Variants in TMEM232 observed in about 807,000 individuals in gnomAD.
TMEM232 encodes the protein transmembrane protein 232.
TMEM232 carries 80 observed loss-of-function variants against 78.8 expected under a neutral mutation model. The observed-to-expected ratio is 1.01, with a 90% confidence interval of 0.85 to 1.22. The LOEUF is 1.22. Among genes scored for constraint, TMEM232 ranks in the 50% most tolerant of loss-of-function variants. The pLI is 0.00. For missense variants in TMEM232, 881 were observed against 742.2 expected, an observed-to-expected ratio of 1.19 and a Z score of -2.17; for synonymous variants, 297 against 254.3, an observed-to-expected ratio of 1.17 and a Z score of -1.60.
intron 10 of TMEM232, among the ~76,000 whole-genome samples, chr5:110,588,705 T>C (rs1275259874): frequency 6.6e-6 from 1 of 152,142 alleles, no homozygotes; most frequent in Non-Finnish European, 1.5e-5. Flanking sequence ...GGACAGATCT[T>C]TCAGAGTCCA....
chr5:110,619,291 T>G lies in TMEM232; in HGVS notation c.769-729A>C, dbSNP rs150039620. 6.5e-3 allele frequency among the ~76,000 whole-genome samples: 989 copies of G among 152,296 alleles called. 20 individuals carry two copies. The highest frequency in any genetic ancestry group is 0.022 in the African/African-American group (916 of 41,584). On this transcript the variant is annotated intron_variant, in intron 7 of 13. Transcript: ENST00000455884. ...ATCTAAAGGGCTTCATAATTCTTATTTATTATATAAAACAACATCAGGACT... is the reference window on the plus strand; with the variant it reads ...ATCTAAAGGGCTTCATAATTCTTATGTATTATATAAAACAACATCAGGACT...
chr5:110,735,590 C>CT lies in TMEM232; in HGVS notation c.-125-576dup, dbSNP rs1467241177. On this transcript the variant is annotated intron_variant, in intron 1 of 4. Transcript: ENST00000512886. ...AAATGCTATTGTTTGATAATCCTCC[C>CT]TTTAAAAGATAGAGTCAAATCCTCT... 5.9e-5 allele frequency among the ~76,000 whole-genome samples: 9 copies of CT among 152,168 alleles called. No individual in the cohort carries two copies. In the South Asian group the frequency reaches 8.3e-4, roughly 14 times the overall value.
intron 1 of TMEM232, among the ~76,000 whole-genome samples, chr5:110,677,293 C>A (rs1276456217): frequency 6.6e-6 from 1 of 150,962 alleles, no homozygotes. Flanking sequence ...TGGATATTAA[C>A]CTTTTTTTGG....
At chr5:110,461,854 A>C (rs1561525049) in intron 12 of TMEM232, among the ~76,000 whole-genome samples, 1 of 152,190 alleles carries the variant, frequency 6.6e-6, no homozygotes, top group African/African-American at 2.4e-5. Context: ...GGTTTGCTGA[A>C]TATTTTAAGC....
chr5:110,508,879 T>G (rs1461743016), intron 12 of TMEM232, among the ~76,000 whole-genome samples: 1 of 143,164 alleles, frequency 7.0e-6, no homozygotes, highest in Non-Finnish European at 1.5e-5. Context: ...CACACACATA[T>G]ATATGTGTAT....
intron 12 of TMEM232, among the ~76,000 whole-genome samples, chr5:110,522,033 C>G (rs1258213898): frequency 6.6e-6 from 1 of 152,120 alleles, no homozygotes. Flanking sequence ...AATCTGTGAA[C>G]ATTTTAGCAA....
intron 8 of TMEM232, among the ~76,000 whole-genome samples, chr5:110,611,326 G>A (rs979007250): frequency 2.0e-5 from 3 of 152,016 alleles, no homozygotes; most frequent in Non-Finnish European, 2.9e-5. Context: ...CCTGATTTTT[G>A]TTACTCAGAA....
chr5:110,463,359 C>T (rs1761738287), intron 12 of TMEM232, among the ~76,000 whole-genome samples: 1 of 152,168 alleles, frequency 6.6e-6, no homozygotes, highest in South Asian at 2.1e-4. Flanking sequence ...AATGTTATTG[C>T]ATGCTTCATA....
chr5:110,645,061 A>T (rs1329976836), intron 2 of TMEM232, among the ~76,000 whole-genome samples: 1 of 150,440 alleles, frequency 6.6e-6, no homozygotes, highest in Non-Finnish European at 1.5e-5. Context: ...ACACACCAAT[A>T]AAAAAAAAGA....
At chr5:110,416,864 T>G (rs559475628), downstream of TMEM232, among the ~76,000 whole-genome samples, 1 of 152,322 alleles carries the variant, frequency 6.6e-6, no homozygotes, top group South Asian at 2.1e-4. Context: ...TTTTATTCCT[T>G]AAATGTCTAT....
At chr5:110,430,547 T>C (rs1018891376) in intron 12 of TMEM232, among the ~76,000 whole-genome samples, 1 of 151,728 alleles carries the variant, frequency 6.6e-6, no homozygotes, top group Admixed American at 6.6e-5. Context: ...ACAATAGCAA[T>C]AGAACTTAAC....
rs952128648 is a variant in TMEM232, at chr5:110,420,659, T to C, written c.1895A>G (p.Glu632Gly). ...KKLAEKNHFQ[E>G]VMKKREEKLH... Reference sequence around the variant, plus strand: ...TTTCTCTTCTCTTTTCTTCATAACTTCTTGAAAGTGATTTTTCTCTGCTAA... The same window carrying C: ...TTTCTCTTCTCTTTTCTTCATAACTCCTTGAAAGTGATTTTTCTCTGCTAA... The change falls in exon 14 of 14, where the codon GAA becomes GGA. Residue 632 changes from glutamate to glycine, a missense_variant. By Grantham distance (98) the Glu-to-Gly change is moderately conservative (BLOSUM62 -2). Transcript: ENST00000455884. 6.5e-7 allele frequency: 1 copy of C among 1,527,076 alleles called. No individual in the cohort carries two copies. The highest frequency in any genetic ancestry group is 1.4e-5 in the African/African-American group (1 of 72,210). The allele number at this position is 1,527,076 out of a possible 1,614,324, so 94.6% of individuals were successfully genotyped here.
chr5:110,513,332 A>T (rs928509699), intron 12 of TMEM232, among the ~76,000 whole-genome samples: 14 of 152,196 alleles, frequency 9.2e-5, no homozygotes, highest in Admixed American at 7.9e-4. Flanking sequence ...TCAAGGAAAC[A>T]ATCAACAGAG....
chr5:110,388,877 A>G (rs1755077124), intron 4 of TMEM232, among the ~76,000 whole-genome samples: 1 of 152,210 alleles, frequency 6.6e-6, no homozygotes, highest in Non-Finnish European at 1.5e-5. Context: ...TTTAAGGATG[A>G]CAGTCATTTA....
At chr5:110,725,202 T>C (rs1299299456) in intron 1 of TMEM232, among the ~76,000 whole-genome samples, 1 of 152,224 alleles carries the variant, frequency 6.6e-6, no homozygotes, top group African/African-American at 2.4e-5. Context: ...TTGTGAAATG[T>C]TTGAGAAACC....
chr5:110,688,048 G>A (rs1255615993), intron 1 of TMEM232, among the ~76,000 whole-genome samples: 2 of 151,812 alleles, frequency 1.3e-5, no homozygotes, highest in Non-Finnish European at 2.9e-5. Context: ...ATTTTGTTTA[G>A]TAACTCCTCT....
intron 2 of TMEM232, among the ~76,000 whole-genome samples, chr5:110,409,866 C>T (rs1209127908): frequency 6.6e-6 from 1 of 152,152 alleles, no homozygotes; most frequent in Non-Finnish European, 1.5e-5. Flanking sequence ...CTCTGGTCTT[C>T]TAGCCAAGGC....
chr5:110,462,504 C>A (rs1435673587), intron 12 of TMEM232, among the ~76,000 whole-genome samples: 1 of 152,194 alleles, frequency 6.6e-6, no homozygotes, highest in Admixed American at 6.5e-5. Context: ...AGTCTTCCAG[C>A]CTCCTCCTTT....
chr5:110,510,054 T>A (rs1377754687), intron 12 of TMEM232, among the ~76,000 whole-genome samples: 3 of 152,186 alleles, frequency 2.0e-5, no homozygotes, highest in African/African-American at 7.2e-5. Context: ...TATTGAATGG[T>A]GACATTCCTC....
Sources: allele counts gnomAD v4.1 joint callset (sites outside exome capture counted in the v4.1 genomes callset), GRCh38; gene constraint gnomAD v4.1.1; transcripts MANE v1.5; gene names NCBI Gene and HGNC (gene_info 2026-07-23, HGNC 2026-07-21).